The following PKP4 variants were observed in gnomAD, a reference collection of about 807,000 sequenced individuals.
PKP4 encodes plakophilin 4.
A neutral mutation model predicts 145.1 loss-of-function variants in PKP4; 90 were observed. The observed-to-expected ratio is 0.62, with a 90% CI of 0.52 to 0.74. The LOEUF (loss-of-function observed/expected upper bound fraction) is 0.74, where lower values mean the gene tolerates loss of function less well. PKP4 is among the 30% of genes least tolerant of loss of function. The pLI is 0.00. For synonymous variants in PKP4, 563 were observed against 577.2 expected (o/e 0.98, Z 0.35); for missense variants, 1,340 against 1,482.7 (o/e 0.90, Z 1.58).
At chr2:158,597,376 T>C (rs2049844464) in intron 3 of PKP4, among the ~76,000 whole-genome samples, 1 of 152,230 alleles carries the variant, frequency 6.6e-6, no homozygotes, top group Admixed American at 6.5e-5. Flanking sequence ...TCCTACTCAA[T>C]GCCAGTTCCT....
intron 11 of PKP4, among the ~76,000 whole-genome samples, chr2:158,655,602 G>A (rs1446803630): frequency 1.3e-5 from 2 of 152,116 alleles, no homozygotes; most frequent in African/African-American, 4.8e-5. Flanking sequence ...ACCTTGCCTT[G>A]CAGCTAACTT....
intron 9 of PKP4, among the ~76,000 whole-genome samples, chr2:158,635,403 A>G (rs2053725183): frequency 6.6e-6 from 1 of 152,144 alleles, no homozygotes; most frequent in East Asian, 1.9e-4. Flanking sequence ...AATAACACCT[A>G]CAGCTTGTCA....
chr2:158,620,400 CAA>C (rs1361131289), intron 4 of PKP4, among the ~76,000 whole-genome samples: 2 of 151,760 alleles, frequency 1.3e-5, no homozygotes, highest in Non-Finnish European at 2.9e-5. Flanking sequence ...CTGGAAGAAA[CAA>C]TGGTTAGGTT....
Position 158,621,304 on chromosome 2 carries a change from T to G in PKP4, c.486T>G (p.Ser162Arg). The change falls in exon 6 of 22, where the codon AGT (serine) becomes AGG (arginine). Residue 162 changes from serine to arginine, a missense_variant. Transcript: ENST00000389759. ...ACAGTGGATACCAGGAAGCAGGGAGTTTCCACAACAGCCAGAACGTGAGCA... is the reference window on the plus strand; with the variant it reads ...ACAGTGGATACCAGGAAGCAGGGAGGTTCCACAACAGCCAGAACGTGAGCA... ...YSDSGYQEAG[S>R]FHNSQNVSKA... The G allele has an allele frequency of 6.2e-7, 1 of 1,613,076 alleles. No homozygotes were observed. Among genetic ancestry groups the G allele is most frequent in the East Asian group, 2.2e-5 (1 of 44,842 alleles).
Position 158,457,094 on chromosome 2 carries a change from A to C in PKP4, c.-130A>C, listed in dbSNP as rs976473870. ...CTCCGGGGGCGGGGGCCGGTGGGGG[A>C]GGGAGGGGCGGGCAGCCGCGCCGCC... is the stretch of plus-strand genomic sequence containing the variant. On this transcript the variant is annotated 5_prime_UTR_variant, in exon 1 of 22. Coordinates refer to ENST00000389759, the MANE Select transcript of PKP4 (RefSeq NM_003628.6). 1 of 6,926 alleles carries C rather than the reference A, an allele frequency of 1.4e-4. No homozygotes were observed. Among genetic ancestry groups the C allele is most frequent in the Non-Finnish European group, 3.1e-4 (1 of 3,192 alleles). The allele number at this position is 6,926 out of a possible 1,614,324, so 0.4% of individuals were successfully genotyped here.
intron 1 of PKP4, among the ~76,000 whole-genome samples, chr2:158,458,944 A>T (rs1689339079): frequency 6.6e-6 from 1 of 152,170 alleles, no homozygotes; most frequent in Non-Finnish European, 1.5e-5. Context: ...TGAAAAAAAA[A>T]AATAAATGCT....
chr2:158,459,104 A>G (rs185613560), intron 1 of PKP4, among the ~76,000 whole-genome samples: 385 of 152,266 alleles, frequency 2.5e-3, no homozygotes, highest in Non-Finnish European at 4.7e-3. Context: ...GATTCTTTTT[A>G]TTTTTAAAGA....
intron 1 of PKP4, among the ~76,000 whole-genome samples, chr2:158,494,262 T>G (rs1255393197): frequency 6.6e-6 from 1 of 151,972 alleles, no homozygotes; most frequent in Non-Finnish European, 1.5e-5. Flanking sequence ...TTTTTACTTA[T>G]GGAGGGGAAA....
intron 1 of PKP4, among the ~76,000 whole-genome samples, chr2:158,529,358 CT>C (rs1329761551): frequency 6.6e-6 from 1 of 152,208 alleles, no homozygotes; most frequent in Non-Finnish European, 1.5e-5. Context: ...TCAGGTCAAA[CT>C]TTCTTTTCTT....
rs114120061 is a variant in PKP4 at position 158,537,477 on chromosome 2, T to C, written c.132+4161T>C. On this transcript the variant is annotated intron_variant, in intron 2 of 21. Transcript: ENST00000389759. ...GTTAAGAATTATGCTTTAAGAGAAA[T>C]AAAAAGTCAATCCATGGGAATAACA... Among the ~76,000 whole-genome samples the C allele has an allele frequency of 4.8e-3, 733 of 152,140 alleles. 1 individual carries two copies. Among genetic ancestry groups the C allele is most frequent in the African/African-American group, 0.016 (670 of 41,508 alleles).
At position 158,634,245 on chromosome 2, in the gene PKP4, C is replaced by T; in HGVS notation, c.1518C>T (p.Gly506=). ...AGCATGCAGTGCCGGCTGATGATGG[C>T]ACCACAAGATCCCCATCAATAGACA... is the stretch of plus-strand genomic sequence containing the variant. ...RLQHAVPADD[G]TTRSPSIDSI... is the part of the protein sequence containing the mutation. The change falls in exon 9 of 22, where the codon GGC becomes GGT. Residue 506 remains glycine, a synonymous_variant. Coordinates refer to ENST00000389759, the MANE Select transcript of PKP4 (RefSeq NM_003628.6). 6.2e-7 allele frequency: 1 copy of T among 1,614,076 alleles called. No individual in the cohort carries two copies. The highest frequency in any genetic ancestry group is 1.3e-5 in the African/African-American group (1 of 75,018).
Position 158,680,950 on chromosome 2 carries a change from T to C in PKP4, c.*273T>C, listed in dbSNP as rs1442416428. Reference sequence around the variant, plus strand: ...GTGACGTGATGAGAGGTTTGAGAAATGGGTGAAATGAAATGGGGGATATGT... The same window carrying C: ...GTGACGTGATGAGAGGTTTGAGAAACGGGTGAAATGAAATGGGGGATATGT... On this transcript the variant is annotated 3_prime_UTR_variant, in exon 22 of 22. Transcript: ENST00000389759. 3.0e-6 allele frequency: 1 copy of C among 335,704 alleles called. No homozygotes were observed. The highest frequency in any genetic ancestry group is 2.1e-5 in the African/African-American group (1 of 47,372). The allele number at this position is 335,704 out of a possible 1,614,324, so 20.8% of individuals were successfully genotyped here. A position where few individuals can be genotyped will look rare whatever the true frequency, so the allele number is the denominator to read the frequency against.
intron 18 of PKP4, 52 bp downstream of exon 18, chr2:158,673,813 T>A (rs879206147): frequency 1.4e-6 from 2 of 1,461,810 alleles, no homozygotes. Flanking sequence ...GAGCACACAC[T>A]CATAATCATT....
intron 11 of PKP4, among the ~76,000 whole-genome samples, chr2:158,650,954 A>G (rs570468371): frequency 6.6e-6 from 1 of 152,328 alleles, no homozygotes; most frequent in East Asian, 1.9e-4. Flanking sequence ...GCCTCACTGC[A>G]TGGAGGGGTC....
At chr2:158,643,625 T>G (rs1326054552) in intron 11 of PKP4, among the ~76,000 whole-genome samples, 1 of 116,558 alleles carries the variant, frequency 8.6e-6, no homozygotes, top group Admixed American at 9.9e-5. Flanking sequence ...AGTAGGGGGA[T>G]CACTTAAGCC....
intron 4 of PKP4, among the ~76,000 whole-genome samples, chr2:158,614,609 A>T (rs2051419180): frequency 6.6e-6 from 1 of 152,234 alleles, no homozygotes; most frequent in South Asian, 2.1e-4. Flanking sequence ...GGCCACCACC[A>T]AATAAGAATA....
At chr2:158,585,513 C>T (rs575075268) in intron 3 of PKP4, among the ~76,000 whole-genome samples, 1 of 152,182 alleles carries the variant, frequency 6.6e-6, no homozygotes, top group Non-Finnish European at 1.5e-5. Flanking sequence ...CTGACAGCAG[C>T]ATAAAAGACC....
chr2:158,506,352 A>G (rs1300686397), intron 1 of PKP4, among the ~76,000 whole-genome samples: 4 of 152,224 alleles, frequency 2.6e-5, no homozygotes, highest in Non-Finnish European at 5.9e-5. Flanking sequence ...CTCCCTCCCA[A>G]GGGTATTTAA....
intron 2 of PKP4, among the ~76,000 whole-genome samples, chr2:158,551,413 A>T (rs2045612586): frequency 6.6e-6 from 1 of 152,202 alleles, no homozygotes; most frequent in Non-Finnish European, 1.5e-5. Context: ...GATCATATTG[A>T]CAGAAACTTA....
Sources: gnomAD v4.1 joint callset for allele counts (sites outside exome capture counted in the v4.1 genomes callset) on GRCh38, gnomAD v4.1.1 for gene constraint, MANE v1.5 for transcripts, NCBI Gene and HGNC (gene_info 2026-07-23, HGNC 2026-07-21) for gene names.